The following FRAS1 variants were observed in gnomAD, a reference collection of about 807,000 sequenced individuals.
FRAS1 encodes extracellular matrix organizing protein FRAS1.
FRAS1 carries 290 observed loss-of-function variants against 435.2 expected under a neutral mutation model. The observed-to-expected ratio is 0.67, with a 90% CI of 0.61 to 0.73. FRAS1 has a LOEUF of 0.73. Ranked by LOEUF, FRAS1 falls within the 30% of genes least tolerant of loss-of-function variation. The probability of loss-of-function intolerance (pLI) is 0.00; values close to 1 mark genes in which losing one functional copy is unlikely to be tolerated. For missense variants in FRAS1, 4,860 were observed against 5,001.5 expected, an observed-to-expected ratio of 0.97 and a Z score of 0.85; for synonymous variants, 1,800 against 1,851.0, an observed-to-expected ratio of 0.97 and a Z score of 0.71.
chr4:78,163,714 A>T (rs551192596), intron 2 of FRAS1, among the ~76,000 whole-genome samples: 2 of 152,204 alleles, frequency 1.3e-5, no homozygotes, highest in Non-Finnish European at 2.9e-5. Flanking sequence ...TCTTTGGAAA[A>T]ATTAATGCCA....
intron 47 of FRAS1, among the ~76,000 whole-genome samples, chr4:78,461,419 A>G (rs1319408211): frequency 2.0e-5 from 3 of 152,188 alleles, no homozygotes; most frequent in African/African-American, 7.2e-5. Flanking sequence ...TAGCTATGTG[A>G]CATTGGGTAC....
At chr4:78,193,761 G>C (rs1326162139) in intron 2 of FRAS1, among the ~76,000 whole-genome samples, 1 of 152,208 alleles carries the variant, frequency 6.6e-6, no homozygotes, top group Non-Finnish European at 1.5e-5. Context: ...GGAGCATTTA[G>C]CCCATTTACA....
At chr4:78,290,206 G>A (rs1727820964) in intron 14 of FRAS1, among the ~76,000 whole-genome samples, 1 of 152,156 alleles carries the variant, frequency 6.6e-6, no homozygotes, top group Non-Finnish European at 1.5e-5. Flanking sequence ...AACTCATAAG[G>A]TTGTAATCTT....
intron 47 of FRAS1, among the ~76,000 whole-genome samples, chr4:78,455,999 TCA>T (rs2109839306): frequency 6.6e-6 from 1 of 152,148 alleles, no homozygotes; most frequent in Admixed American, 6.5e-5. Flanking sequence ...TCAGTGATCC[TCA>T]GTGTGAGGCT....
intron 68 of FRAS1, among the ~76,000 whole-genome samples, chr4:78,522,433 G>A (rs926581469): frequency 6.6e-6 from 1 of 152,102 alleles, no homozygotes; most frequent in Non-Finnish European, 1.5e-5. Context: ...AAATACCTAT[G>A]ACTATGATGA....
intron 2 of FRAS1, among the ~76,000 whole-genome samples, chr4:78,225,397 A>G (rs890779576): frequency 2.0e-5 from 3 of 152,162 alleles, no homozygotes; most frequent in Admixed American, 6.5e-5. Context: ...TGGAGGAGGA[A>G]CCAGAGGCCC....
intron 47 of FRAS1, among the ~76,000 whole-genome samples, chr4:78,462,610 T>C (rs1457413212): frequency 1.3e-5 from 2 of 151,960 alleles, no homozygotes; most frequent in Non-Finnish European, 2.9e-5. Context: ...GCTGTGAGAG[T>C]GGATTCACAG....
intron 2 of FRAS1, 88 bp downstream of exon 2, chr4:78,066,104 T>C: frequency 2.3e-6 from 2 of 874,760 alleles, no homozygotes; most frequent in Non-Finnish European, 3.8e-6. Flanking sequence ...GACCCTATCA[T>C]TGTAGAATAT....
chr4:78,123,025 G>T (rs1331587363), intron 2 of FRAS1, among the ~76,000 whole-genome samples: 1 of 152,088 alleles, frequency 6.6e-6, no homozygotes, highest in Non-Finnish European at 1.5e-5. Context: ...CATTGCTTTT[G>T]GTGTTTTAGA....
At chr4:78,150,858 A>G (rs1055393794) in intron 2 of FRAS1, among the ~76,000 whole-genome samples, 4 of 152,228 alleles carry the variant, frequency 2.6e-5, no homozygotes, top group South Asian at 2.1e-4. Context: ...GCATGTAATC[A>G]TTGGATTTCT....
chr4:78,179,560 A>G (rs1249001304), intron 2 of FRAS1, among the ~76,000 whole-genome samples: 1 of 152,236 alleles, frequency 6.6e-6, no homozygotes, highest in Non-Finnish European at 1.5e-5. Context: ...ATTCAAAATG[A>G]CATCTCTATA....
At chr4:78,503,558 G>T (rs11098207) in intron 61 of FRAS1, among the ~76,000 whole-genome samples, 104,752 of 151,956 alleles carry the variant, frequency 0.69, 36,680 homozygotes, top group African/African-American at 0.82. Context: ...TCGGTGGTGA[G>T]ATCCCCTTTA....
intron 2 of FRAS1, among the ~76,000 whole-genome samples, chr4:78,153,593 ACTGT>A (rs1193404030): frequency 6.6e-6 from 1 of 152,144 alleles, no homozygotes; most frequent in Non-Finnish European, 1.5e-5. Context: ...AGTGTTAAAG[ACTGT>A]CTGTATATTT....
intron 14 of FRAS1, among the ~76,000 whole-genome samples, chr4:78,294,487 A>G (rs1728055467): frequency 6.6e-6 from 1 of 152,202 alleles, no homozygotes; most frequent in Non-Finnish European, 1.5e-5. Flanking sequence ...CGATTTAGGA[A>G]TATAGGTAGA....
intron 2 of FRAS1, among the ~76,000 whole-genome samples, chr4:78,121,610 A>C (rs576780250): frequency 6.6e-6 from 1 of 152,312 alleles, no homozygotes; most frequent in East Asian, 1.9e-4. Flanking sequence ...CTTGCCTACT[A>C]TGTAGGCAAG....
intron 2 of FRAS1, among the ~76,000 whole-genome samples, chr4:78,118,013 G>T (rs1197004811): frequency 5.9e-5 from 9 of 152,160 alleles, no homozygotes; most frequent in African/African-American, 2.2e-4. Flanking sequence ...GTTTTGGTGT[G>T]GATGTCCTTT....
chr4:78,314,098 T>TC (rs1560648270), intron 15 of FRAS1, among the ~76,000 whole-genome samples: 1 of 149,242 alleles, frequency 6.7e-6, no homozygotes, highest in East Asian at 2.2e-4. Context: ...AGTTTTTTTT[T>TC]CTTCTTCTTC....
Position 78,481,967 on chromosome 4 carries a change from G to A in FRAS1, c.8604+3G>A, listed in dbSNP as rs369952513. On this transcript the variant is annotated splice_donor_region_variant and intron_variant, in intron 57 of 73. Coordinates refer to ENST00000512123, the MANE Select transcript of FRAS1 (RefSeq NM_025074.7). ...TTGGGCCTGGTGTCATTGAACAGGT[G>A]CGTTTACAGCAGTCGAGACTCCACA... 1.1e-5 allele frequency: 18 copies of A among 1,612,334 alleles called. No homozygotes were observed. Among genetic ancestry groups the A allele is most frequent in the South Asian group, 2.2e-5 (2 of 90,526 alleles).
chr4:78,508,001 A>G (rs914003973), intron 62 of FRAS1, among the ~76,000 whole-genome samples: 2 of 152,234 alleles, frequency 1.3e-5, no homozygotes, highest in African/African-American at 4.8e-5. Context: ...AGAAAATACA[A>G]TACAATTGAT....
Sources: gnomAD v4.1 joint callset for allele counts (sites outside exome capture counted in the v4.1 genomes callset) on GRCh38, gnomAD v4.1.1 for gene constraint, MANE v1.5 for transcripts, NCBI Gene and HGNC (gene_info 2026-07-23, HGNC 2026-07-21) for gene names.